Variants in OCA2 observed in about 807,000 individuals in gnomAD.
OCA2 encodes the protein OCA2 melanosomal transmembrane protein, also known as P protein.
A neutral mutation model predicts 100.2 loss-of-function variants in OCA2; 77 were observed. The observed-to-expected ratio is 0.77, with a 90% confidence interval of 0.64 to 0.93. The LOEUF (loss-of-function observed/expected upper bound fraction) is 0.93, where lower values mean the gene tolerates loss of function less well. Ranked by LOEUF, OCA2 falls within the 40% of genes least tolerant of loss-of-function variation. The pLI is 0.00. For missense variants in OCA2, 1,062 were observed against 1,089.1 expected (o/e 0.98, Z 0.35); for synonymous variants, 432 against 439.2 (o/e 0.98, Z 0.21).
At chr15:27,963,438 C>A (rs1363710560) in intron 15 of OCA2, among the ~76,000 whole-genome samples, 11 of 152,090 alleles carry the variant, frequency 7.2e-5, no homozygotes, top group Admixed American at 2.6e-4. Context: ...GAAATATATT[C>A]TCTTACTACA....
intron 2 of OCA2, among the ~76,000 whole-genome samples, chr15:28,073,672 G>A (rs1296404873): frequency 2.0e-5 from 3 of 152,082 alleles, no homozygotes; most frequent in Admixed American, 1.3e-4. Context: ...CCTAGGTGAC[G>A]GGATCCATAC....
At chr15:27,722,997 ATG>A in the OCA2 span, among the ~76,000 whole-genome samples, 1 of 151,702 alleles carries the variant, frequency 6.6e-6, no homozygotes, top group Non-Finnish European at 1.5e-5. Context: ...ATGCACCACC[ATG>A]CCTGGCTAAT....
chr15:27,944,647 C>T (rs947669832), intron 18 of OCA2, among the ~76,000 whole-genome samples: 10 of 152,156 alleles, frequency 6.6e-5, no homozygotes, highest in African/African-American at 2.2e-4. Context: ...TCAGAAATGA[C>T]TCTGCATGCA....
chr15:28,065,140 G>A (rs548815095), intron 2 of OCA2, among the ~76,000 whole-genome samples: 10 of 151,966 alleles, frequency 6.6e-5, no homozygotes, highest in Admixed American at 1.3e-4. Flanking sequence ...TTGCAAAGTG[G>A]CTCTGATGGA....
At chr15:27,740,535 A>C in the OCA2 span, among the ~76,000 whole-genome samples, 5 of 152,294 alleles carry the variant, frequency 3.3e-5, no homozygotes, top group Admixed American at 3.3e-4. Context: ...TAATTCATCA[A>C]TTTAGTCAAC....
chr15:28,085,504 G>T (rs570242976), intron 1 of OCA2, among the ~76,000 whole-genome samples: 1 of 152,290 alleles, frequency 6.6e-6, no homozygotes, highest in African/African-American at 2.4e-5. Context: ...TCAGAACACA[G>T]TAGGGCAAGA....
chr15:27,970,971 A>G (rs767020798), intron 14 of OCA2, among the ~76,000 whole-genome samples: 1 of 151,864 alleles, frequency 6.6e-6, no homozygotes, highest in Non-Finnish European at 1.5e-5. Flanking sequence ...ACTCCCCAGC[A>G]AGCACGGCAT....
chr15:27,752,824 C>G (rs2030118646), downstream of OCA2, among the ~76,000 whole-genome samples: 1 of 135,648 alleles, frequency 7.4e-6, no homozygotes, highest in Non-Finnish European at 1.6e-5. Flanking sequence ...CCCAGAGGCC[C>G]ACAGCTGCCT....
intron 21 of OCA2, among the ~76,000 whole-genome samples, chr15:27,857,441 G>C (rs558961675): frequency 7.2e-5 from 11 of 152,204 alleles, no homozygotes; most frequent in South Asian, 4.2e-4. Flanking sequence ...ATGGGTACAG[G>C]GTTTTAGTTT....
Position 27,871,940 on chromosome 15 carries a change from T to C in OCA2, c.2080-18A>G. On this transcript the variant is annotated intron_variant, in intron 19 of 23. Coordinates refer to ENST00000354638, the MANE Select transcript of OCA2 (RefSeq NM_000275.3). ...GCCAATGCCTAGAAGAAAGGATGTG[T>C]GGTGAGAATCAGTTTAGAACCGAAA... The C allele has an allele frequency of 6.3e-7, 1 of 1,593,614 alleles. No individual in the cohort carries two copies. Among genetic ancestry groups the C allele is most frequent in the East Asian group, 2.2e-5 (1 of 44,756 alleles).
chr15:27,944,098 C>T (rs1473480562), intron 18 of OCA2, among the ~76,000 whole-genome samples: 1 of 152,136 alleles, frequency 6.6e-6, no homozygotes, highest in Non-Finnish European at 1.5e-5. Flanking sequence ...TCGTTTTTGG[C>T]TTTACCATTT....
chr15:27,865,653 C>T (rs779465985), intron 21 of OCA2, among the ~76,000 whole-genome samples: 10 of 152,260 alleles, frequency 6.6e-5, no homozygotes, highest in Admixed American at 1.3e-4. Flanking sequence ...GTTTGGTTAG[C>T]GCCAACCCTG....
chr15:27,946,204 T>C (rs1372178903), intron 18 of OCA2, among the ~76,000 whole-genome samples: 1 of 152,178 alleles, frequency 6.6e-6, no homozygotes, highest in Non-Finnish European at 1.5e-5. Flanking sequence ...TTTTGAAACT[T>C]CTGGGGCTCA....
intron 23 of OCA2, among the ~76,000 whole-genome samples, chr15:27,761,741 G>C (rs1304346788): frequency 6.6e-6 from 1 of 152,184 alleles, no homozygotes; most frequent in Non-Finnish European, 1.5e-5. Context: ...CAGTAATTAA[G>C]GCAATACAGC....
intron 21 of OCA2, among the ~76,000 whole-genome samples, chr15:27,854,053 G>A (rs1018878934): frequency 6.6e-6 from 1 of 152,194 alleles, no homozygotes; most frequent in African/African-American, 2.4e-5. Flanking sequence ...GATTTCGTGT[G>A]TGCCCTCTGC....
chr15:27,913,865 AAG>A lies in OCA2; in HGVS notation c.2079+12260_2079+12261del, dbSNP rs376371791. Among the ~76,000 whole-genome samples, 4 of 51,210 alleles carry A rather than the reference AAG, an allele frequency of 7.8e-5. 1 individual carries two copies. The highest frequency in any genetic ancestry group is 0.01 in the East Asian group (1 of 100). 33.6% of individuals were successfully genotyped at this position (51,210 alleles called of 152,430 possible). On this transcript the variant is annotated intron_variant, in intron 19 of 23. Transcript: ENST00000354638. ...AAAGAAAGAAAGAAAGAAAGAAAGA[AAG>A]AAAGAAAGAAAGAAAGAAAGAAAGA... is the stretch of plus-strand genomic sequence containing the variant.
At chr15:28,044,602 A>G (rs1337060426) in intron 2 of OCA2, among the ~76,000 whole-genome samples, 2 of 152,212 alleles carry the variant, frequency 1.3e-5, no homozygotes, top group African/African-American at 2.4e-5. Context: ...TATTTGTTCT[A>G]TTAATTAATA....
chr15:27,761,402 C>A (rs1019197424), intron 23 of OCA2, among the ~76,000 whole-genome samples: 1 of 150,816 alleles, frequency 6.6e-6, no homozygotes, highest in Middle Eastern at 3.4e-3. Context: ...AAACTTAAAT[C>A]GTGTTTGTAA....
At chr15:27,984,708 G>A (rs1013690810) in intron 13 of OCA2, among the ~76,000 whole-genome samples, 4 of 152,128 alleles carry the variant, frequency 2.6e-5, no homozygotes, top group East Asian at 3.9e-4. Flanking sequence ...TTACAGGCAC[G>A]TGCCACCACG....
Sources: gnomAD v4.1 joint callset for allele counts (sites outside exome capture counted in the v4.1 genomes callset) on GRCh38, gnomAD v4.1.1 for gene constraint, MANE v1.5 for transcripts, NCBI Gene and HGNC (gene_info 2026-07-23, HGNC 2026-07-21) for gene names.